The following RORA variants were observed in gnomAD, a reference collection of about 807,000 sequenced individuals.
RORA encodes the protein nuclear receptor ROR-alpha.
Under a neutral mutation model 69.5 loss-of-function variants are expected in RORA, and 7 were observed. That is an observed-to-expected ratio of 0.10 (90% CI 0.06 to 0.19). The LOEUF (loss-of-function observed/expected upper bound fraction) is 0.19, where lower values mean the gene tolerates loss of function less well. Ranked by LOEUF, RORA falls within the 10% of genes least tolerant of loss-of-function variation. RORA has a pLI of 1.00. For synonymous variants in RORA, 261 were observed against 240.8 expected (o/e 1.08, Z -0.78); for missense variants, 457 against 663.0 (o/e 0.69, Z 3.41).
intron 1 of RORA, among the ~76,000 whole-genome samples, chr15:61,221,024 C>T (rs2080090762): frequency 6.6e-6 from 1 of 152,182 alleles, no homozygotes; most frequent in Non-Finnish European, 1.5e-5. Context: ...AAATACTTCA[C>T]CCAGTGAAAC....
intron 1 of RORA, among the ~76,000 whole-genome samples, chr15:60,713,242 G>A (rs1335305269): frequency 1.3e-5 from 2 of 152,140 alleles, no homozygotes; most frequent in African/African-American, 2.4e-5. Context: ...TAACCTGGGC[G>A]CTGGCAAGTC....
intron 2 of RORA, among the ~76,000 whole-genome samples, chr15:60,606,979 C>CT (rs1170210111): frequency 1.3e-5 from 2 of 152,140 alleles, no homozygotes; most frequent in Admixed American, 1.3e-4. Context: ...TACTCCGAGG[C>CT]TTTTTTCTCT....
At chr15:61,054,863 G>A (rs62005639) in intron 1 of RORA, among the ~76,000 whole-genome samples, 15,543 of 147,732 alleles carry the variant, frequency 0.11, 1,029 homozygotes, top group Non-Finnish European at 0.14. Context: ...GTGAGGCAGC[G>A]TCTCACTCTG....
intron 1 of RORA, among the ~76,000 whole-genome samples, chr15:60,833,543 T>C (rs960882635): frequency 6.6e-6 from 1 of 152,152 alleles, no homozygotes; most frequent in Non-Finnish European, 1.5e-5. Flanking sequence ...GTCCTTCCTT[T>C]CTATGTCCCT....
At chr15:61,215,319 A>C (rs184193643) in intron 1 of RORA, among the ~76,000 whole-genome samples, 1 of 152,088 alleles carries the variant, frequency 6.6e-6, no homozygotes, top group African/African-American at 2.4e-5. Flanking sequence ...CTGCTGTGGA[A>C]AGAAAATTGT....
At chr15:60,573,180 T>G (rs2067930030) in intron 2 of RORA, among the ~76,000 whole-genome samples, 1 of 152,226 alleles carries the variant, frequency 6.6e-6, no homozygotes, top group Non-Finnish European at 1.5e-5. Flanking sequence ...GCAGCATGAT[T>G]GAACCGCGGC....
chr15:61,220,012 T>C (rs2080079851), intron 1 of RORA, among the ~76,000 whole-genome samples: 1 of 152,288 alleles, frequency 6.6e-6, no homozygotes, highest in African/African-American at 2.4e-5. Context: ...ACTGTGAAAT[T>C]TTACAGCTTG....
At chr15:60,828,459 T>C (rs28513916) in intron 1 of RORA, among the ~76,000 whole-genome samples, 13,226 of 152,098 alleles carry the variant, frequency 0.087, 1,253 homozygotes, top group African/African-American at 0.24. Context: ...GCACGTAAAG[T>C]CTGGATTTAG....
intron 1 of RORA, among the ~76,000 whole-genome samples, chr15:60,862,508 G>A (rs1289900125): frequency 6.6e-6 from 1 of 152,150 alleles, no homozygotes; most frequent in African/African-American, 2.4e-5. Flanking sequence ...ACTGATGGAG[G>A]GCACTGTAGA....
intron 1 of RORA, among the ~76,000 whole-genome samples, chr15:60,874,764 A>G (rs2073595343): frequency 6.6e-6 from 1 of 152,210 alleles, no homozygotes; most frequent in Non-Finnish European, 1.5e-5. Context: ...TGCCCTGAGG[A>G]AGTAGGATCA....
chr15:60,665,070 C>T (rs1169008114), intron 2 of RORA, among the ~76,000 whole-genome samples: 1 of 152,234 alleles, frequency 6.6e-6, no homozygotes, highest in East Asian at 1.9e-4. Context: ...CTAGACCAGA[C>T]AAACATAGCA....
intron 1 of RORA, among the ~76,000 whole-genome samples, chr15:60,864,654 A>AG (rs1461187298): frequency 2.0e-5 from 3 of 152,240 alleles, no homozygotes; most frequent in Admixed American, 1.3e-4. Flanking sequence ...GAAATGGGTA[A>AG]GTAACTCAGG....
At chr15:60,569,098 G>A (rs1050175199) in intron 2 of RORA, among the ~76,000 whole-genome samples, 3 of 151,820 alleles carry the variant, frequency 2.0e-5, no homozygotes, top group Non-Finnish European at 4.4e-5. Flanking sequence ...GTGGTAAGAG[G>A]TATTATATAT....
At chr15:60,505,772 T>C (rs950537062) in intron 5 of RORA, 143 bp from the exon 6 acceptor site, 1 of 929,968 alleles carries the variant, frequency 1.1e-6, no homozygotes, top group African/African-American at 1.7e-5. Flanking sequence ...AAACAAGTAA[T>C]TTGGAACTGT....
At chr15:60,646,548 A>C (rs1330143142) in intron 2 of RORA, among the ~76,000 whole-genome samples, 1 of 152,242 alleles carries the variant, frequency 6.6e-6, no homozygotes, top group Non-Finnish European at 1.5e-5. Flanking sequence ...GAAACTTAAA[A>C]GTGAATGCAC....
intron 2 of RORA, chr15:60,627,647 T>C (rs527429286): frequency 4.0e-6 from 2 of 503,554 alleles, no homozygotes; most frequent in Non-Finnish European, 5.1e-6. Flanking sequence ...TCTTCCCTTT[T>C]TTCAATACCA....
intron 1 of RORA, among the ~76,000 whole-genome samples, chr15:60,871,786 T>C (rs763419507): frequency 6.6e-6 from 1 of 152,322 alleles, no homozygotes; most frequent in Non-Finnish European, 1.5e-5. Flanking sequence ...TGCAGTATCC[T>C]GGATTGGATC....
intron 1 of RORA, among the ~76,000 whole-genome samples, chr15:61,117,695 C>T (rs188496812): frequency 3.7e-4 from 57 of 152,216 alleles, no homozygotes; most frequent in African/African-American, 1.2e-3. Context: ...TATTCCCTGA[C>T]GAAAGAAAAT....
chr15:60,796,286 C>A lies in RORA; in HGVS notation c.167-117600G>T, dbSNP rs1045569099. On this transcript the variant is annotated intron_variant, in intron 1 of 10. Coordinates refer to ENST00000335670, the MANE Select transcript of RORA (RefSeq NM_134261.3). ...GAGCTTCCCCATGCACACGACTCTC[C>A]AGGCACTCACCCTTTTGACTTCCCC... 2.5e-4 allele frequency among the ~76,000 whole-genome samples: 38 copies of A among 152,276 alleles called. 1 individual carries two copies. Among genetic ancestry groups the A allele is most frequent in the Middle Eastern group, 3.4e-3 (1 of 294 alleles).
Sources: gnomAD v4.1 joint callset for allele counts (sites outside exome capture counted in the v4.1 genomes callset) on GRCh38, gnomAD v4.1.1 for gene constraint, MANE v1.5 for transcripts, NCBI Gene and HGNC (gene_info 2026-07-23, HGNC 2026-07-21) for gene names.